Variants in ERI2 observed in about 807,000 individuals in gnomAD.
ERI2 encodes the protein ERI1 exoribonuclease family member 2, also known as ERI1 exoribonuclease 2.
In ERI2, 35 loss-of-function variants were observed where a neutral mutation model predicts 46.8. That is an observed-to-expected ratio of 0.75 (90% CI 0.57 to 0.99). The LOEUF (loss-of-function observed/expected upper bound fraction) is 0.99, where lower values mean the gene tolerates loss of function less well. Ranked by LOEUF, ERI2 falls within the 50% of genes least tolerant of loss-of-function variation. ERI2 has a pLI of 0.00. For synonymous variants in ERI2, 224 were observed against 271.0 expected (o/e 0.83, Z 1.70); for missense variants, 695 against 796.2 (o/e 0.87, Z 1.53).
In ERI2 at chr16:20,798,054, G is replaced by A. The variant is rs1340136368; in HGVS notation, c.1746C>T (p.Asn582=). 1 of 1,551,658 alleles carries A rather than the reference G, an allele frequency of 6.4e-7. No individual in the cohort carries two copies. Among genetic ancestry groups the A allele is most frequent in the Admixed American group, 2.0e-5 (1 of 50,982 alleles). Residue 582 remains asparagine (N), a synonymous_variant, in exon 9 of 9, where the codon AAC becomes AAT. Coordinates refer to ENST00000357967, the MANE Select transcript of ERI2 (RefSeq NM_001142725.2). Reference sequence around the variant, plus strand: ...TCCCACTCTTCCATGGCTCTTGTAGGTTAACTGTAGAAGTTAATATAGATG... The same window carrying A: ...TCCCACTCTTCCATGGCTCTTGTAGATTAACTGTAGAAGTTAATATAGATG... ...RLPSILTSTV[N]LQEPWKSGKM... is the part of the protein sequence containing the mutation.
Position 20,803,491 on chromosome 16 carries a change from G to A in ERI2, c.117C>T (p.Val39=). 6.2e-7 allele frequency: 1 copy of A among 1,613,850 alleles called. No homozygotes were observed. The highest frequency in any genetic ancestry group is 8.5e-7 in the Non-Finnish European group (1 of 1,179,832). Residue 39 remains valine (V), a synonymous_variant, in exon 3 of 9, where the codon GTC becomes GTT. Coordinates refer to ENST00000357967, the MANE Select transcript of ERI2 (RefSeq NM_001142725.2). ...KSKQLFDYLI[V]IDFESTCWND... is the part of the protein sequence containing the mutation. The stretch of plus-strand genomic sequence containing the variant: ...TCCAGCATGTCGATTCAAAATCAAT[G>A]ACAATTAAGTAGTCAAACAACTGCT...
chr16:20,785,006 C>T (rs1005726383), intron 10 of ERI2: 1 of 1,613,294 alleles, frequency 6.2e-7, no homozygotes, highest in African/African-American at 1.3e-5. Context: ...AAGCTTAAAG[C>T]ACTGTGTGAG....
intron 7 of ERI2, 200 bp downstream of exon 7, chr16:20,799,757 A>C (rs2080776114): frequency 6.0e-6 from 3 of 499,730 alleles, no homozygotes; most frequent in African/African-American, 4.0e-5. Flanking sequence ...CTAGAAAGCC[A>C]CTAGATGGCA....
At position 20,803,473 on chromosome 16, in the gene ERI2, T is replaced by G; in HGVS notation, c.135A>C (p.Thr45=). ...DYLIVIDFES[T]CWNDGKHHHS... ...GGTGGTGCTTCCCATCATTCCAGCATGTCGATTCAAAATCAATGACAATTA... is the reference window on the plus strand; with the variant it reads ...GGTGGTGCTTCCCATCATTCCAGCAGGTCGATTCAAAATCAATGACAATTA... Residue 45 remains threonine (T), a synonymous_variant, in exon 3 of 9, where the codon ACA becomes ACC. Transcript: ENST00000357967. The G allele has an allele frequency of 6.2e-7, 1 of 1,614,066 alleles. No individual in the cohort carries two copies. Among genetic ancestry groups the G allele is most frequent in the Non-Finnish European group, 8.5e-7 (1 of 1,179,922 alleles).
At position 20,790,511 on chromosome 16, in the gene ERI2, A is replaced by G; in HGVS notation, c.815+339T>C. On this transcript the variant is annotated intron_variant, in intron 9 of 10. Transcript: ENST00000300005. The surrounding 1 kb of genome is among the most constrained non-coding windows in gnomAD (Gnocchi z 4.0). ...TTTTTAAATGGCAAAAGCCAAAATA[A>G]AACTTGCAAAGTTAATATTTAAGCT... 1 of 1,419,678 alleles carries G rather than the reference A, an allele frequency of 7.0e-7. No individual in the cohort carries two copies. The highest frequency in any genetic ancestry group is 9.7e-7 in the Non-Finnish European group (1 of 1,027,360). 87.9% of individuals were successfully genotyped at this position (1,419,678 alleles called of 1,614,324 possible). A position where few individuals can be genotyped will look rare whatever the true frequency, so the allele number is the denominator to read the frequency against.
At chr16:20,785,315 A>C (rs2152475263) in intron 10 of ERI2, among the ~76,000 whole-genome samples, 1 of 152,336 alleles carries the variant, frequency 6.6e-6, no homozygotes, top group South Asian at 2.1e-4. Context: ...GACAAACACC[A>C]CTGTTAATGG....
At chr16:20,794,168 G>T (rs1054815629), downstream of ERI2, among the ~76,000 whole-genome samples, 1 of 152,186 alleles carries the variant, frequency 6.6e-6, no homozygotes, top group Non-Finnish European at 1.5e-5. Context: ...CCTGGGTTAG[G>T]TCCTTCTCTA....
At position 20,796,747 on chromosome 16, in the gene ERI2, A is replaced by G; in HGVS notation, c.*977T>C. 1.3e-6 allele frequency: 2 copies of G among 1,509,266 alleles called. No individual in the cohort carries two copies. The highest frequency in any genetic ancestry group is 1.8e-6 in the Non-Finnish European group (2 of 1,135,594). The allele number at this position is 1,509,266 out of a possible 1,614,324, so 93.5% of individuals were successfully genotyped here. A position where few individuals can be genotyped will look rare whatever the true frequency, so the allele number is the denominator to read the frequency against. On this transcript the variant is annotated 3_prime_UTR_variant, in exon 9 of 9. Coordinates refer to ENST00000357967, the MANE Select transcript of ERI2 (RefSeq NM_001142725.2). Reference sequence around the variant, plus strand: ...CTTTCCTAACAATACCCTTTTCCCTATTTTGGCTGTTACCCAAAACCCATT... The same window carrying G: ...CTTTCCTAACAATACCCTTTTCCCTGTTTTGGCTGTTACCCAAAACCCATT...
chr16:20,787,908 C>G (rs921407480), intron 10 of ERI2, among the ~76,000 whole-genome samples: 41 of 152,152 alleles, frequency 2.7e-4, no homozygotes, highest in African/African-American at 8.9e-4. Context: ...GAACCACCCC[C>G]CGACAACCCC....
In ERI2 at chr16:20,786,114, A is replaced by G. The variant is rs757329851; in HGVS notation, c.894+3365T>C. 2.5e-6 allele frequency: 4 copies of G among 1,603,522 alleles called. No homozygotes were observed. In the South Asian group the frequency reaches 4.5e-5, roughly 18 times the overall value. ...TGGAAATTTTAAGGGAATGAAAATTAAACCTGGCTCAATGGGAAAACCTTC... is the reference window on the plus strand; with the variant it reads ...TGGAAATTTTAAGGGAATGAAAATTGAACCTGGCTCAATGGGAAAACCTTC... On this transcript the variant is annotated intron_variant, in intron 10 of 10. Coordinates refer to the ERI2 transcript ENST00000300005.
At chr16:20,785,033 A>G (rs779279874) in intron 10 of ERI2, 3 of 1,613,588 alleles carry the variant, frequency 1.9e-6, no homozygotes, top group African/African-American at 2.7e-5. Context: ...GGAACCAATT[A>G]CCCCTGACGT....
chr16:20,804,223 C>T (rs981762135), intron 1 of ERI2, among the ~76,000 whole-genome samples: 1 of 152,042 alleles, frequency 6.6e-6, no homozygotes, highest in African/African-American at 2.4e-5. Flanking sequence ...TTCCTACAAT[C>T]ATTTGATTGT....
At position 20,790,995 on chromosome 16, in the gene ERI2, AT is replaced by A; in HGVS notation, c.733-64del. 6.5e-7 allele frequency: 1 copy of A among 1,540,472 alleles called. No homozygotes were observed. Among genetic ancestry groups the A allele is most frequent in the Non-Finnish European group, 8.9e-7 (1 of 1,126,358 alleles). ...CTCAATTATCAAACAAAACCCACTCATTTTCCTGAAATCCAGTTAGTGCTCT... is the reference window on the plus strand; with the variant it reads ...CTCAATTATCAAACAAAACCCACTCATTTCCTGAAATCCAGTTAGTGCTCT... On this transcript the variant is annotated intron_variant, in intron 8 of 10. Transcript: ENST00000300005. This position sits in a 1 kb window ranked among gnomAD's most constrained non-coding sequence, Gnocchi z 4.0.
Position 20,802,882 on chromosome 16 carries a change from T to C in ERI2, c.217A>G (p.Ile73Val). 1 of 1,610,984 alleles carries C rather than the reference T, an allele frequency of 6.2e-7. No homozygotes were observed. The highest frequency in any genetic ancestry group is 1.1e-5 in the South Asian group (1 of 90,698). Residue 73 changes from isoleucine (I) to valine (V), a missense_variant, in exon 4 of 9, where the codon ATT (isoleucine) becomes GTT (valine). Coordinates refer to ENST00000357967, the MANE Select transcript of ERI2 (RefSeq NM_001142725.2). ...AVLLNTSTGQ[I>V]DSEFQAYVQP... Reference sequence around the variant, plus strand: ...ACATAAGCCTGGAACTCAGAGTCAATCTGTCCAGTTGATGTGTTCAGCAAC... The same window carrying C: ...ACATAAGCCTGGAACTCAGAGTCAACCTGTCCAGTTGATGTGTTCAGCAAC...
At chr16:20,803,792 G>A (rs954148300) in intron 1 of ERI2, 122 bp from the exon 2 acceptor site, 13 of 1,239,012 alleles carry the variant, frequency 1.0e-5, no homozygotes, top group Admixed American at 2.1e-5. Context: ...AGGGGAAATC[G>A]AACTGGACTT....
At chr16:20,780,491 G>A (rs1290355768) in exon 11 of ERI2, 1 of 811,030 alleles carries the variant, frequency 1.2e-6, no homozygotes, top group Non-Finnish European at 1.9e-6. Flanking sequence ...TAGGAAAGCA[G>A]CTATTATAAA....
intron 10 of ERI2, among the ~76,000 whole-genome samples, chr16:20,787,601 C>T (rs925507529): frequency 3.3e-5 from 5 of 152,186 alleles, no homozygotes; most frequent in Admixed American, 3.3e-4. Context: ...TTTTTAGGAT[C>T]AAATAAGTTT....
At chr16:20,792,794 G>C, downstream of ERI2, 1 of 774,484 alleles carries the variant, frequency 1.3e-6, no homozygotes, top group East Asian at 1.3e-4. Flanking sequence ...AGTCTTGGTA[G>C]GTAAATAAGT....
Position 20,806,411 on chromosome 16 carries a change from G to A in ERI2, c.20C>T (p.Ala7Val). Reference sequence around the variant, plus strand: ...GACCCGGAACTCCCTCGAGTACCGCGCGAGCCGCTTGGTCGCCATTCCCGA... The same window carrying A: ...GACCCGGAACTCCCTCGAGTACCGCACGAGCCGCTTGGTCGCCATTCCCGA... Reference protein sequence around the residue: MATKRLARQLGLIRRKS... With the variant: MATKRLVRQLGLIRRKS... Residue 7 changes from alanine (A) to valine (V), a missense_variant, in exon 1 of 9, where the codon GCG becomes GTG. Physicochemically the swap from Ala to Val is moderately conservative, Grantham distance 64. Coordinates refer to ENST00000357967, the MANE Select transcript of ERI2 (RefSeq NM_001142725.2). 1.3e-6 allele frequency: 2 copies of A among 1,550,664 alleles called. No individual in the cohort carries two copies. The highest frequency in any genetic ancestry group is 1.7e-4 in the Middle Eastern group (1 of 5,986).
Sources: gnomAD v4.1 joint callset for allele counts (sites outside exome capture counted in the v4.1 genomes callset) on GRCh38, gnomAD v4.1.1 for gene constraint, Gnocchi (gnomAD v3.1) non-coding constraint, MANE v1.5 for transcripts, NCBI Gene and HGNC (gene_info 2026-07-23, HGNC 2026-07-21) for gene names.